DOK5: variants seen among roughly 807,000 people sequenced by gnomAD.
The protein encoded by DOK5 is docking protein 5, also known as downstream of tyrosine kinase 5.
A neutral mutation model predicts 43.3 loss-of-function variants in DOK5; 27 were observed. That is an observed-to-expected ratio of 0.62 (90% CI 0.46 to 0.86). The LOEUF (loss-of-function observed/expected upper bound fraction) is 0.86, where lower values mean the gene tolerates loss of function less well. Among genes scored for constraint, DOK5 ranks in the 40% least tolerant of loss-of-function variants. The pLI is 0.00. For missense variants in DOK5, 373 were observed against 392.9 expected (o/e 0.95, Z 0.43); for synonymous variants, 146 against 140.1 (o/e 1.04, Z -0.30).
chr20:54,636,385 C>T (rs1462570480), intron 6 of DOK5, among the ~76,000 whole-genome samples: 1 of 152,174 alleles, frequency 6.6e-6, no homozygotes, highest in Non-Finnish European at 1.5e-5. Flanking sequence ...ATACTGGAGG[C>T]CACAAGATTT....
At chr20:54,648,954 T>C (rs1164667383) in intron 7 of DOK5, among the ~76,000 whole-genome samples, 1 of 152,184 alleles carries the variant, frequency 6.6e-6, no homozygotes, top group Non-Finnish European at 1.5e-5. Context: ...TTCCGAACTC[T>C]TCTGTGGGAA....
intron 1 of DOK5, among the ~76,000 whole-genome samples, chr20:54,537,517 C>T (rs1271652489): frequency 1.3e-5 from 2 of 151,932 alleles, no homozygotes; most frequent in East Asian, 1.9e-4. Context: ...AGAAAGAAGG[C>T]CCAAATGGAA....
At chr20:54,577,168 C>T (rs910660910) in intron 2 of DOK5, among the ~76,000 whole-genome samples, 1 of 152,152 alleles carries the variant, frequency 6.6e-6, no homozygotes, top group Admixed American at 6.5e-5. Context: ...AATTAAGTTA[C>T]TTCTTTGATT....
At chr20:54,614,157 T>C (rs1986733382) in intron 6 of DOK5, among the ~76,000 whole-genome samples, 1 of 152,118 alleles carries the variant, frequency 6.6e-6, no homozygotes, top group Non-Finnish European at 1.5e-5. Context: ...TAAGATAAAT[T>C]CTTAAAACTT....
chr20:54,602,047 G>T (rs1335341374), intron 5 of DOK5, among the ~76,000 whole-genome samples: 3 of 152,066 alleles, frequency 2.0e-5, no homozygotes, highest in African/African-American at 7.2e-5. Flanking sequence ...CTGCTGTTCT[G>T]GGTTGCAGCT....
At chr20:54,530,965 G>T (rs1983750850) in intron 1 of DOK5, among the ~76,000 whole-genome samples, 1 of 152,154 alleles carries the variant, frequency 6.6e-6, no homozygotes, top group South Asian at 2.1e-4. Flanking sequence ...CTCTTGTCAA[G>T]TTGCCCTTCC....
In DOK5 at chr20:54,490,385, A is replaced by T. The variant is rs576074945; in HGVS notation, c.66+14373A>T. On this transcript the variant is annotated intron_variant, in intron 1 of 7. Transcript: ENST00000262593. ...ATACATATATTTTAAATTTAATCAG[A>T]TAAATACATATTCATTAATACAGCT... 2.0e-5 allele frequency among the ~76,000 whole-genome samples: 3 copies of T among 152,332 alleles called. No individual in the cohort carries two copies. In the East Asian group the frequency reaches 5.8e-4, roughly 29 times the overall value.
chr20:54,514,636 A>C (rs1405595818), intron 1 of DOK5, among the ~76,000 whole-genome samples: 1 of 141,714 alleles, frequency 7.1e-6, no homozygotes, highest in African/African-American at 2.8e-5. Flanking sequence ...AGGGGAGAGC[A>C]ATTGGAGATG....
In DOK5 at chr20:54,590,517, G is replaced by GC. The variant is rs200520604; in HGVS notation, c.410-1099_410-1098insC. 3.7e-3 allele frequency among the ~76,000 whole-genome samples: 560 copies of GC among 151,866 alleles called. 3 individuals are homozygous for GC. The highest frequency in any genetic ancestry group is 0.013 in the African/African-American group (550 of 41,384). On this transcript the variant is annotated intron_variant, in intron 4 of 7. Transcript: ENST00000262593. ...GTCTTTCTTACTTGGAACTTTCAAG[G>GC]GGGGGGAATATGCTCAATTAGAATA...
chr20:54,478,693 A>G (rs756525334), intron 1 of DOK5, among the ~76,000 whole-genome samples: 26 of 152,184 alleles, frequency 1.7e-4, no homozygotes, highest in Admixed American at 4.6e-4. Context: ...TTCTGCTTCT[A>G]TTGCTTGTTG....
intron 1 of DOK5, among the ~76,000 whole-genome samples, chr20:54,512,423 A>G (rs890993568): frequency 3.3e-5 from 5 of 152,192 alleles, no homozygotes; most frequent in African/African-American, 1.2e-4. Context: ...GACAGTTACA[A>G]TTTGTTAAAA....
intron 2 of DOK5, among the ~76,000 whole-genome samples, chr20:54,566,220 CT>C (rs1985094957): frequency 6.6e-6 from 1 of 151,642 alleles, no homozygotes; most frequent in South Asian, 2.1e-4. Context: ...TCCCTTGGGA[CT>C]TATCCAAGTT....
At chr20:54,585,966 A>C (rs1985790788) in intron 2 of DOK5, among the ~76,000 whole-genome samples, 1 of 152,308 alleles carries the variant, frequency 6.6e-6, no homozygotes, top group Admixed American at 6.5e-5. Context: ...TACTAAAAAT[A>C]CAAAAAAATT....
intron 6 of DOK5, among the ~76,000 whole-genome samples, chr20:54,634,603 G>A (rs1178997805): frequency 3.3e-5 from 5 of 151,666 alleles, no homozygotes; most frequent in Non-Finnish European, 5.9e-5. Context: ...CACCATGCCC[G>A]GCTAATTTTT....
intron 1 of DOK5, among the ~76,000 whole-genome samples, chr20:54,522,366 ATTAC>A (rs1393910671): frequency 6.6e-6 from 1 of 152,230 alleles, no homozygotes; most frequent in Non-Finnish European, 1.5e-5. Flanking sequence ...TACTGAATGA[ATTAC>A]TTACGTGAAT....
intron 1 of DOK5, among the ~76,000 whole-genome samples, chr20:54,489,379 T>C (rs1029496596): frequency 5.9e-5 from 9 of 152,086 alleles, no homozygotes; most frequent in African/African-American, 2.2e-4. Flanking sequence ...TCCAGAATAG[T>C]CTATATATAA....
At chr20:54,560,375 A>C (rs942693677) in intron 2 of DOK5, among the ~76,000 whole-genome samples, 1 of 152,204 alleles carries the variant, frequency 6.6e-6, no homozygotes, top group Non-Finnish European at 1.5e-5. Context: ...ATGACTCTTC[A>C]CATCTCCATA....
intron 5 of DOK5, among the ~76,000 whole-genome samples, chr20:54,609,478 C>T (rs1182875280): frequency 6.6e-6 from 1 of 151,596 alleles, no homozygotes; most frequent in African/African-American, 2.4e-5. Flanking sequence ...TTAAATATAT[C>T]TTAGTGTAGT....
At chr20:54,543,504 A>G (rs191317904) in intron 1 of DOK5, among the ~76,000 whole-genome samples, 80 of 151,516 alleles carry the variant, frequency 5.3e-4, no homozygotes, top group African/African-American at 1.9e-3. Flanking sequence ...CAGAAAGCCC[A>G]ATTTTCCATT....
Sources: gnomAD v4.1 joint callset for allele counts (sites outside exome capture counted in the v4.1 genomes callset) on GRCh38, gnomAD v4.1.1 for gene constraint, MANE v1.5 for transcripts, NCBI Gene and HGNC (gene_info 2026-07-23, HGNC 2026-07-21) for gene names.